The following UPF2 variants were observed in gnomAD, a reference collection of about 807,000 sequenced individuals.
UPF2 encodes UPF2 regulator of nonsense mediated mRNA decay, also known as regulator of nonsense transcripts 2.
Under a neutral mutation model 141.4 loss-of-function variants are expected in UPF2, and 17 were observed. That is an observed-to-expected ratio of 0.12 (90% CI 0.08 to 0.18). The LOEUF (loss-of-function observed/expected upper bound fraction) is 0.18. UPF2 is among the 10% of genes least tolerant of loss of function. The probability of loss-of-function intolerance (pLI) is 1.00; values close to 1 mark genes in which losing one functional copy is unlikely to be tolerated. For missense variants in UPF2, 1,152 were observed against 1,515.9 expected (o/e 0.76, Z 3.99); for synonymous variants, 540 against 498.0 (o/e 1.08, Z -1.12).
chr10:11,995,690 G>A (rs1833854087), intron 8 of UPF2, among the ~76,000 whole-genome samples: 1 of 152,108 alleles, frequency 6.6e-6, no homozygotes, highest in Non-Finnish European at 1.5e-5. Context: ...GGCTGAGGGA[G>A]GAGAATCGCT....
In UPF2 at chr10:11,964,138, G is replaced by T. The variant is rs201291435; in HGVS notation, c.2068-13C>A. 2 of 1,589,614 alleles carry T rather than the reference G, an allele frequency of 1.3e-6. No individual in the cohort carries two copies. The highest frequency in any genetic ancestry group is 1.1e-5 in the South Asian group (1 of 89,724). ...CTGACAGAAGCATCTGCAACAGGAA[G>T]AATGATGAAAACTACAAAGGCAACT... On this transcript the variant is annotated splice_polypyrimidine_tract_variant and intron_variant, in intron 10 of 21. Coordinates refer to ENST00000357604, the MANE Select transcript of UPF2 (RefSeq NM_015542.4).
chr10:11,953,725 C>T lies in UPF2; in HGVS notation c.2851-1476G>A, dbSNP rs1489712115. 2.6e-5 allele frequency among the ~76,000 whole-genome samples: 4 copies of T among 152,182 alleles called. No individual in the cohort carries two copies. The South Asian group carries it at 6.2e-4, about 24-fold the overall frequency. Reference sequence around the variant, plus strand: ...TCCAACTTAAGATGGTCCTTACATACAACAGGGACTGCAACCCTCAAATCT... The same window carrying T: ...TCCAACTTAAGATGGTCCTTACATATAACAGGGACTGCAACCCTCAAATCT... On this transcript the variant is annotated intron_variant, in intron 14 of 21. Transcript: ENST00000357604. This position sits in a 1 kb window ranked among gnomAD's most constrained non-coding sequence, Gnocchi z 5.0.
At chr10:11,948,559 C>A in intron 15 of UPF2, 51 bp from the exon 16 acceptor site, 1 of 1,590,536 alleles carries the variant, frequency 6.3e-7, no homozygotes, top group Non-Finnish European at 8.6e-7. Context: ...TAGACACAGG[C>A]TAGTTTTCTA....
intron 8 of UPF2, among the ~76,000 whole-genome samples, chr10:11,990,204 C>G (rs1418838645): frequency 1.3e-5 from 2 of 152,188 alleles, no homozygotes; most frequent in Non-Finnish European, 2.9e-5. Flanking sequence ...CATCAACATG[C>G]TTCTTTCAAT....
At chr10:11,944,230 C>T (rs941203401) in intron 16 of UPF2, among the ~76,000 whole-genome samples, 9 of 152,230 alleles carry the variant, frequency 5.9e-5, no homozygotes, top group African/African-American at 2.2e-4. Context: ...GGCGCCATGG[C>T]TCACACCTGT....
chr10:11,971,453 C>T (rs956177661), intron 9 of UPF2, among the ~76,000 whole-genome samples: 1 of 152,080 alleles, frequency 6.6e-6, no homozygotes, highest in Non-Finnish European at 1.5e-5. Flanking sequence ...GCGGTTTCTC[C>T]ATGTTGGTCA....
At chr10:12,000,185 C>T (rs113295732) in intron 6 of UPF2, among the ~76,000 whole-genome samples, 176 bp from the exon 7 acceptor site, 16 of 152,244 alleles carry the variant, frequency 1.1e-4, no homozygotes, top group African/African-American at 3.6e-4. Context: ...AGAATCATAA[C>T]ATCAATTCAC....
At chr10:12,010,546 G>C (rs1210046826) in intron 4 of UPF2, among the ~76,000 whole-genome samples, 1 of 152,086 alleles carries the variant, frequency 6.6e-6, no homozygotes, top group African/African-American at 2.4e-5. Flanking sequence ...GGAAAGGCAG[G>C]AAAAAATAAC....
At chr10:12,033,092 C>T (rs550513707) in intron 2 of UPF2, among the ~76,000 whole-genome samples, 1 of 152,190 alleles carries the variant, frequency 6.6e-6, no homozygotes, top group Admixed American at 6.5e-5. Context: ...CAAAATCGTG[C>T]TTGCAAAAAG....
intron 16 of UPF2, among the ~76,000 whole-genome samples, chr10:11,944,894 G>A (rs923239327): frequency 1.3e-5 from 2 of 152,180 alleles, no homozygotes; most frequent in African/African-American, 4.8e-5. Flanking sequence ...GTCGCAAAAG[G>A]CAAACTGCCT....
At chr10:12,009,197 A>G (rs1328802871) in intron 4 of UPF2, among the ~76,000 whole-genome samples, 1 of 152,198 alleles carries the variant, frequency 6.6e-6, no homozygotes, top group African/African-American at 2.4e-5. Context: ...CTACTTCTAG[A>G]AATGTATCCT....
At chr10:11,994,298 C>G (rs1397557109) in intron 8 of UPF2, among the ~76,000 whole-genome samples, 1 of 152,288 alleles carries the variant, frequency 6.6e-6, no homozygotes, top group East Asian at 1.9e-4. Flanking sequence ...AAAAGAAACA[C>G]TGCAGCTTTA....
rs114315663 is a variant in UPF2 at position 11,962,717 on chromosome 10, C to T, written c.2184+1292G>A. On this transcript the variant is annotated intron_variant, in intron 11 of 21. Transcript: ENST00000357604. ...AAATCCTTCAACAATTATTCACTGCCACCAGGAAAAAAACTCAAGCTCCTT... is the reference window on the plus strand; with the variant it reads ...AAATCCTTCAACAATTATTCACTGCTACCAGGAAAAAAACTCAAGCTCCTT... Among the ~76,000 whole-genome samples, 1,107 of 152,282 alleles carry T rather than the reference C, an allele frequency of 7.3e-3. 15 individuals are homozygous for T. The highest frequency in any genetic ancestry group is 0.025 in the African/African-American group (1,031 of 41,554).
At chr10:11,999,532 A>ACC (rs1554781269) in intron 7 of UPF2, among the ~76,000 whole-genome samples, 8 of 115,636 alleles carry the variant, frequency 6.9e-5, no homozygotes. Flanking sequence ...AAAAAAAAAA[A>ACC]ACACACACAA....
In UPF2 at chr10:11,936,500, T is replaced by G. The variant is rs7921794; in HGVS notation, c.3546+45A>C. On this transcript the variant is annotated intron_variant, in intron 19 of 21. Transcript: ENST00000357604. The surrounding 1 kb of genome is among the most constrained non-coding windows in gnomAD (Gnocchi z 6.6). ...TCAAAGATAAGTTAAAACCTAACTG[T>G]ATAACTCACAATCAGCTATAATTAC... 759,609 of 1,537,954 alleles carry G rather than the reference T, an allele frequency of 0.49. 198,510 individuals carry two copies. The highest frequency in any genetic ancestry group is 0.84 in the East Asian group (36,604 of 43,672).
chr10:11,978,391 C>T (rs1366140081), intron 9 of UPF2, among the ~76,000 whole-genome samples: 2 of 152,130 alleles, frequency 1.3e-5, no homozygotes, highest in Non-Finnish European at 2.9e-5. Flanking sequence ...GTATCATTTC[C>T]CCACTATCAA....
chr10:12,012,796 C>CAA (rs753104549), intron 4 of UPF2, among the ~76,000 whole-genome samples: 17 of 63,666 alleles, frequency 2.7e-4, no homozygotes, highest in Non-Finnish European at 3.6e-4. Flanking sequence ...AAGACTCCGC[C>CAA]AAAAAAAAAA....
At chr10:12,020,194 T>A (rs942756478) in intron 3 of UPF2, among the ~76,000 whole-genome samples, 2 of 152,004 alleles carry the variant, frequency 1.3e-5, no homozygotes, top group Non-Finnish European at 2.9e-5. Context: ...TTGACTTTTT[T>A]ATATTTCCTT....
At chr10:11,954,794 A>G (rs921769949) in intron 14 of UPF2, among the ~76,000 whole-genome samples, 5 of 149,944 alleles carry the variant, frequency 3.3e-5, no homozygotes, top group African/African-American at 1.2e-4. Context: ...TGGCCAACAT[A>G]GCAAGACCCC....
Sources: gnomAD v4.1 joint callset for allele counts (sites outside exome capture counted in the v4.1 genomes callset) on GRCh38, gnomAD v4.1.1 for gene constraint, Gnocchi (gnomAD v3.1) non-coding constraint, MANE v1.5 for transcripts, NCBI Gene and HGNC (gene_info 2026-07-23, HGNC 2026-07-21) for gene names.